Variants in CCDC7 observed in about 807,000 individuals in gnomAD.
CCDC7 encodes coiled-coil domain-containing protein 7.
A neutral mutation model predicts 196.9 loss-of-function variants in CCDC7; 183 were observed. The observed-to-expected ratio is 0.93, with a 90% CI of 0.82 to 1.05. The LOEUF is 1.05. CCDC7 is among the 50% of genes least tolerant of loss of function. CCDC7 has a pLI of 0.00. For missense variants in CCDC7, 1,540 were observed against 1,482.2 expected, an observed-to-expected ratio of 1.04 and a Z score of -0.64; for synonymous variants, 525 against 484.6, an observed-to-expected ratio of 1.08 and a Z score of -1.10.
Position 32,799,031 on chromosome 10 carries a change from G to A in CCDC7, c.3014-5984G>A, listed in dbSNP as rs145745667. Among the ~76,000 whole-genome samples the A allele has an allele frequency of 7.8e-3, 1,189 of 152,224 alleles. 11 individuals carry two copies. The highest frequency in any genetic ancestry group is 0.021 in the African/African-American group (857 of 41,542). ...TTACTTGTGCCTTTAGGAGCTGCTCGAGCCCGATCATGTATATACCACTTC... is the reference window on the plus strand; with the variant it reads ...TTACTTGTGCCTTTAGGAGCTGCTCAAGCCCGATCATGTATATACCACTTC... On this transcript the variant is annotated intron_variant, in intron 29 of 41. Coordinates refer to ENST00000639629, the Ensembl canonical transcript of CCDC7.
chr10:32,627,943 A>G (rs923424523), intron 18 of CCDC7, among the ~76,000 whole-genome samples: 20 of 151,840 alleles, frequency 1.3e-4, no homozygotes, highest in Admixed American at 7.9e-4. Context: ...CTTTGCATCT[A>G]TGTTCATCAA....
At chr10:32,876,763 A>T (rs987841715), downstream of CCDC7, 1 of 176,526 alleles carries the variant, frequency 5.7e-6, no homozygotes, top group African/African-American at 2.4e-5. Context: ...CAATAACCTG[A>T]TATGTGTTAA....
intron 22 of CCDC7, among the ~76,000 whole-genome samples, chr10:32,687,456 A>G (rs1326573881): frequency 1.3e-5 from 2 of 152,226 alleles, no homozygotes; most frequent in Non-Finnish European, 2.9e-5. Context: ...TATATTCAGT[A>G]GAGGGAGTCA....
At chr10:32,686,687 A>T (rs918055194) in intron 22 of CCDC7, among the ~76,000 whole-genome samples, 1 of 152,146 alleles carries the variant, frequency 6.6e-6, no homozygotes, top group Non-Finnish European at 1.5e-5. Context: ...ATAGAGAGGG[A>T]CCATAGTTTG....
chr10:32,677,550 C>G (rs1335734446), intron 21 of CCDC7, among the ~76,000 whole-genome samples: 1 of 151,804 alleles, frequency 6.6e-6, no homozygotes, highest in Non-Finnish European at 1.5e-5. Context: ...TTATTTCATT[C>G]TCTTCTGGCC....
chr10:32,460,812 T>G (rs531075152), intron 3 of CCDC7, among the ~76,000 whole-genome samples: 1 of 152,340 alleles, frequency 6.6e-6, no homozygotes, highest in Non-Finnish European at 1.5e-5. Context: ...CACAAATTGT[T>G]AGTCCCACTT....
intron 29 of CCDC7, among the ~76,000 whole-genome samples, chr10:32,780,196 C>G (rs143970333): frequency 6.6e-6 from 1 of 152,162 alleles, no homozygotes; most frequent in Non-Finnish European, 1.5e-5. Context: ...GAGATCACGC[C>G]ACTGCACTCC....
chr10:32,817,256 A>G (rs2088905348), intron 31 of CCDC7, among the ~76,000 whole-genome samples: 1 of 152,208 alleles, frequency 6.6e-6, no homozygotes, highest in African/African-American at 2.4e-5. Context: ...GATCAAATGA[A>G]TGAAATGAAG....
chr10:32,472,966 A>G (rs1321089607), intron 7 of CCDC7, among the ~76,000 whole-genome samples: 1 of 152,238 alleles, frequency 6.6e-6, no homozygotes, highest in African/African-American at 2.4e-5. Flanking sequence ...TTACAGTTAT[A>G]AAATTATACA....
intron 41 of CCDC7, among the ~76,000 whole-genome samples, chr10:32,873,346 A>C (rs995322329): frequency 6.6e-6 from 1 of 151,942 alleles, no homozygotes; most frequent in African/African-American, 2.4e-5. Context: ...AGGCTTGTGC[A>C]TTCATCACAT....
At chr10:32,572,212 A>G (rs1053895887) in intron 16 of CCDC7, among the ~76,000 whole-genome samples, 1 of 152,194 alleles carries the variant, frequency 6.6e-6, no homozygotes, top group African/African-American at 2.4e-5. Context: ...ATCAAGATGC[A>G]TGAGCTAGAT....
chr10:32,746,407 A>G (rs937740300), intron 28 of CCDC7, among the ~76,000 whole-genome samples: 1 of 152,176 alleles, frequency 6.6e-6, no homozygotes, highest in Non-Finnish European at 1.5e-5. Context: ...GGTGGCAGGG[A>G]CAGGGGTCTA....
rs559027772 is a variant in CCDC7 at position 32,482,401 on chromosome 10, T to G, written c.796+8378T>G. Among the ~76,000 whole-genome samples the G allele has an allele frequency of 8.6e-3, 1,306 of 151,926 alleles. 28 individuals carry two copies. Among genetic ancestry groups the G allele is most frequent in the African/African-American group, 0.029 (1,205 of 41,492 alleles). ...ATATTTTCAAATAACTTTCTTTAAG[T>G]TTACAGATTCTTTCTTCTCCTTGAT... On this transcript the variant is annotated intron_variant, in intron 8 of 41. Transcript: ENST00000639629.
In CCDC7 at chr10:32,528,698, A is replaced by G. The variant is rs57993797; in HGVS notation, c.993+10193A>G. Among the ~76,000 whole-genome samples, 171 of 136,212 alleles carry G rather than the reference A, an allele frequency of 1.3e-3. 2 individuals are homozygous for G. In the East Asian group the frequency reaches 0.034, roughly 27 times the overall value. The allele number at this position is 136,212 out of a possible 152,430, so 89.4% of individuals were successfully genotyped here. On this transcript the variant is annotated intron_variant, in intron 11 of 41. Coordinates refer to ENST00000639629, the Ensembl canonical transcript of CCDC7. ...TATATATGCATATATATACACACAC[A>G]TATATATGTATATATACATATATAC...
At chr10:32,520,135 T>A (rs1564533966) in intron 11 of CCDC7, among the ~76,000 whole-genome samples, 2 of 152,128 alleles carry the variant, frequency 1.3e-5, no homozygotes, top group African/African-American at 4.8e-5. Flanking sequence ...ACACAGAGGT[T>A]GCTTCCAAAT....
intron 21 of CCDC7, among the ~76,000 whole-genome samples, chr10:32,682,739 A>G (rs930304130): frequency 9.2e-5 from 14 of 152,076 alleles, no homozygotes; most frequent in African/African-American, 3.1e-4. Flanking sequence ...CATTTCTCTA[A>G]TGATTAGTGA....
Position 32,694,960 on chromosome 10 carries a change from C to A in CCDC7, c.2426C>A (p.Thr809Asn), listed in dbSNP as rs756517481. The change falls in exon 24 of 42, where the codon ACC becomes AAC. Residue 809 changes from threonine (T) to asparagine (N), a missense_variant. Thr to Asn is a moderately conservative substitution (Grantham distance 65). Coordinates refer to ENST00000639629, the Ensembl canonical transcript of CCDC7. Reference sequence around the variant, plus strand: ...AAACTGGAAATGCAAATTGAAAAAACCAAAAAACTTCCTAGAGAGAAAAGA... The same window carrying A: ...AAACTGGAAATGCAAATTGAAAAAAACAAAAAACTTCCTAGAGAGAAAAGA... 1.4e-5 allele frequency: 22 copies of A among 1,601,452 alleles called. No homozygotes were observed. In the East Asian group the frequency reaches 3.8e-4, roughly 28 times the overall value.
rs117031520 is a variant in CCDC7, at chr10:32,540,476, G to A, written c.994-2824G>A. On this transcript the variant is annotated intron_variant, in intron 11 of 41. Transcript: ENST00000639629. ...CCATTGGGTCTTGCTTCCTTTTCCA[G>A]CTTGCCACTCTGTACCTTTTAATTT... Among the ~76,000 whole-genome samples, 1,205 of 152,208 alleles carry A rather than the reference G, an allele frequency of 7.9e-3. 14 individuals are homozygous for A. The highest frequency in any genetic ancestry group is 0.013 in the Non-Finnish European group (877 of 68,014).
chr10:32,677,055 G>A (rs1405850658), intron 21 of CCDC7, among the ~76,000 whole-genome samples: 1 of 151,366 alleles, frequency 6.6e-6, no homozygotes, highest in Admixed American at 6.6e-5. Flanking sequence ...ATGAGTTCAT[G>A]TCCTTTGTAG....
Sources: allele counts gnomAD v4.1 joint callset (sites outside exome capture counted in the v4.1 genomes callset), GRCh38; gene constraint gnomAD v4.1.1; transcripts MANE v1.5; gene names NCBI Gene and HGNC (gene_info 2026-07-23, HGNC 2026-07-21).